HDAC9: variants seen among roughly 807,000 people sequenced by gnomAD.
HDAC9 encodes MEF-2 interacting transcription repressor (MITR) protein.
HDAC9 carries 41 observed loss-of-function variants against 139.4 expected under a neutral mutation model. The ratio of observed to expected loss-of-function variants is 0.29; its 90% confidence interval spans 0.23 to 0.38. The LOEUF (loss-of-function observed/expected upper bound fraction) is 0.38. Among genes scored for constraint, HDAC9 ranks in the 10% least tolerant of loss-of-function variants. HDAC9 has a pLI of 1.00. For synonymous variants in HDAC9, 517 were observed against 476.2 expected, an observed-to-expected ratio of 1.09 and a Z score of -1.12; for missense variants, 1,147 against 1,297.0, an observed-to-expected ratio of 0.88 and a Z score of 1.78.
intron 12 of HDAC9, among the ~76,000 whole-genome samples, chr7:18,686,145 G>C (rs1782252225): frequency 6.6e-6 from 1 of 151,916 alleles, no homozygotes. Context: ...TCAATTTGTG[G>C]TGATACAGTA....
At chr7:18,494,784 T>C (rs1432688702), upstream of HDAC9, among the ~76,000 whole-genome samples, 1 of 151,890 alleles carries the variant, frequency 6.6e-6, no homozygotes, top group Non-Finnish European at 1.5e-5. Context: ...ACAGTCATAG[T>C]TGGGTACTAA....
At chr7:18,142,221 T>C (rs1239312584) in intron 1 of HDAC9, among the ~76,000 whole-genome samples, 1 of 152,166 alleles carries the variant, frequency 6.6e-6, no homozygotes, top group Non-Finnish European at 1.5e-5. Context: ...TTTTAGGTGA[T>C]ATAGAAAGGA....
chr7:18,925,369 C>T (rs1276346980), intron 22 of HDAC9, among the ~76,000 whole-genome samples: 2 of 152,068 alleles, frequency 1.3e-5, no homozygotes, highest in Non-Finnish European at 2.9e-5. Context: ...TGCATTTCAG[C>T]ACTTAGCATG....
chr7:18,594,265 C>T (rs564382397), intron 6 of HDAC9, among the ~76,000 whole-genome samples: 11 of 152,064 alleles, frequency 7.2e-5, no homozygotes, highest in African/African-American at 2.7e-4. Context: ...CATATTTGAA[C>T]TTTAGCCAAA....
At chr7:18,713,977 A>G (rs1045690056) in intron 12 of HDAC9, among the ~76,000 whole-genome samples, 1 of 152,232 alleles carries the variant, frequency 6.6e-6, no homozygotes, top group Admixed American at 6.5e-5. Flanking sequence ...TTGGAGAAAT[A>G]CCTGATACTA....
intron 17 of HDAC9, among the ~76,000 whole-genome samples, chr7:18,795,257 T>TAAAAAAAAAAAA (rs5882676): frequency 7.6e-5 from 5 of 65,496 alleles, no homozygotes; most frequent in African/African-American, 2.8e-4. Flanking sequence ...AAGAAAACAG[T>TAAAAAAAAAAAA]AAAAAAAAAA....
At chr7:18,204,631 A>G (rs1047518617) in intron 2 of HDAC9, among the ~76,000 whole-genome samples, 1 of 151,896 alleles carries the variant, frequency 6.6e-6, no homozygotes, top group South Asian at 2.1e-4. Flanking sequence ...TTCAGTTTGC[A>G]TTGCTTTGGT....
intron 17 of HDAC9, among the ~76,000 whole-genome samples, chr7:18,806,758 C>T (rs1359168555): frequency 1.3e-5 from 2 of 152,094 alleles, no homozygotes; most frequent in Non-Finnish European, 2.9e-5. Context: ...TATCCTTCAT[C>T]CTGTTACTGT....
chr7:18,149,295 TTAG>T (rs2128117548), intron 1 of HDAC9, among the ~76,000 whole-genome samples: 1 of 151,300 alleles, frequency 6.6e-6, no homozygotes, highest in East Asian at 1.9e-4. Context: ...GAAAAAATAA[TTAG>T]TAGTTAATTA....
chr7:18,919,173 T>A (rs966287295), intron 22 of HDAC9, among the ~76,000 whole-genome samples: 1 of 152,108 alleles, frequency 6.6e-6, no homozygotes, highest in Non-Finnish European at 1.5e-5. Context: ...AGGGCGCTTA[T>A]GTATCATTTT....
chr7:18,107,795 C>T (rs944954470), intron 1 of HDAC9, among the ~76,000 whole-genome samples: 1 of 152,186 alleles, frequency 6.6e-6, no homozygotes, highest in Non-Finnish European at 1.5e-5. Flanking sequence ...TTTGGACTTG[C>T]TCATTATGCA....
chr7:18,852,791 A>G (rs1027404645), intron 21 of HDAC9, among the ~76,000 whole-genome samples: 12 of 152,100 alleles, frequency 7.9e-5, no homozygotes, highest in Non-Finnish European at 1.6e-4. Flanking sequence ...TAAAAATTCA[A>G]CTGGGATACA....
intron 2 of HDAC9, among the ~76,000 whole-genome samples, chr7:18,253,835 G>C (rs1449379128): frequency 6.6e-6 from 1 of 152,180 alleles, no homozygotes. Flanking sequence ...AAGTGTGGAG[G>C]ATTGTGTTGA....
intron 2 of HDAC9, among the ~76,000 whole-genome samples, chr7:18,212,758 A>G (rs1412482043): frequency 6.6e-6 from 1 of 152,206 alleles, no homozygotes; most frequent in East Asian, 1.9e-4. Context: ...ACTGTCATAT[A>G]CAACTTGTAG....
intron 21 of HDAC9, among the ~76,000 whole-genome samples, chr7:18,846,935 TG>T (rs1265602094): frequency 6.6e-6 from 1 of 152,150 alleles, no homozygotes. Flanking sequence ...TGTTTGAGCT[TG>T]GATTTGAAAA....
intron 2 of HDAC9, among the ~76,000 whole-genome samples, chr7:18,211,828 A>T (rs1253997467): frequency 1.3e-5 from 2 of 152,102 alleles, no homozygotes; most frequent in African/African-American, 4.8e-5. Context: ...TCCTGTGAGG[A>T]CATTTAGCTG....
At chr7:18,683,205 T>C (rs1462868792) in intron 12 of HDAC9, among the ~76,000 whole-genome samples, 4 of 152,062 alleles carry the variant, frequency 2.6e-5, no homozygotes, top group Non-Finnish European at 4.4e-5. Context: ...AAAGTCCTTA[T>C]AATTAAACTT....
chr7:18,718,743 A>G (rs998488082), intron 12 of HDAC9, among the ~76,000 whole-genome samples: 1 of 152,162 alleles, frequency 6.6e-6, no homozygotes. Context: ...CTCAAGTACA[A>G]GTTTTTATGT....
chr7:18,297,556 G>A (rs1367853715), intron 1 of HDAC9, among the ~76,000 whole-genome samples: 1 of 152,068 alleles, frequency 6.6e-6, no homozygotes, highest in Admixed American at 6.5e-5. Flanking sequence ...AATACATAGT[G>A]GAATTTTAAC....
Sources: allele counts gnomAD v4.1 joint callset (sites outside exome capture counted in the v4.1 genomes callset), GRCh38; gene constraint gnomAD v4.1.1; transcripts MANE v1.5; gene names NCBI Gene and HGNC (gene_info 2026-07-23, HGNC 2026-07-21).